The following IPO7 variants were observed in gnomAD, a reference collection of about 807,000 sequenced individuals.
IPO7 encodes importin-7.
In IPO7, 13 loss-of-function variants were observed where a neutral mutation model predicts 136.4. The ratio of observed to expected loss-of-function variants is 0.10; its 90% CI spans 0.06 to 0.15. IPO7 has a LOEUF of 0.15. Ranked by LOEUF, IPO7 falls within the 10% of genes least tolerant of loss-of-function variation. The pLI is 1.00. For missense variants in IPO7, 857 were observed against 1,240.6 expected (o/e 0.69, Z 4.65); for synonymous variants, 403 against 404.4 (o/e 1.00, Z 0.04).
chr11:9,446,984 A>T lies in IPO7; in HGVS notation c.*1790A>T, dbSNP rs2133772186. The T allele has an allele frequency of 6.6e-6, 1 of 152,276 alleles. No homozygotes were observed. Among genetic ancestry groups the T allele is most frequent in the South Asian group, 2.1e-4 (1 of 4,828 alleles). 9.4% of individuals were successfully genotyped at this position (152,276 alleles called of 1,614,324 possible). ...CCTGAAAGTTGGACACCAACTGTAT[A>T]CCCTAGGTTGCTTAAAGGGATTTCA... On this transcript the variant is annotated 3_prime_UTR_variant, in exon 25 of 25. Coordinates refer to ENST00000379719, the MANE Select transcript of IPO7 (RefSeq NM_006391.3).
In IPO7 at chr11:9,445,291, A is replaced by G; in HGVS notation, c.*97A>G. On this transcript the variant is annotated 3_prime_UTR_variant, in exon 25 of 25. Transcript: ENST00000379719. ...TGGTTCATGTTATCTATTCTAAACTAATAATCAATAGATGGACAAAAGAAA... is the reference window on the plus strand; with the variant it reads ...TGGTTCATGTTATCTATTCTAAACTGATAATCAATAGATGGACAAAAGAAA... The G allele has an allele frequency of 1.5e-6, 1 of 687,988 alleles. No individual in the cohort carries two copies. The highest frequency in any genetic ancestry group is 2.5e-6 in the Non-Finnish European group (1 of 394,838). 42.6% of individuals were successfully genotyped at this position (687,988 alleles called of 1,614,324 possible).
chr11:9,408,721 T>G, intron 3 of IPO7, 82 bp downstream of exon 3: 1 of 1,042,272 alleles, frequency 9.6e-7, no homozygotes, highest in Non-Finnish European at 1.3e-6. Context: ...TTTTTTTTTT[T>G]TTTTTTTTTG....
rs1855546325 is a variant in IPO7 at position 9,447,601 on chromosome 11, T to C, written c.*2407T>C. ...TTAGCTACATAGGGACTTGTCTTTT[T>C]TTCTTTTTACATACAGCTTTTCCTA... On this transcript the variant is annotated 3_prime_UTR_variant, in exon 25 of 25. Coordinates refer to ENST00000379719, the MANE Select transcript of IPO7 (RefSeq NM_006391.3). 1 of 152,206 alleles carries C rather than the reference T, an allele frequency of 6.6e-6. No homozygotes were observed. Among genetic ancestry groups the C allele is most frequent in the Non-Finnish European group, 1.5e-5 (1 of 68,032 alleles). 9.4% of individuals were successfully genotyped at this position (152,206 alleles called of 1,614,324 possible). A position where few individuals can be genotyped will look rare whatever the true frequency, so the allele number is the denominator to read the frequency against.
In IPO7 at chr11:9,420,622, G is replaced by A; in HGVS notation, c.830G>A (p.Ser277Asn). 1 of 1,611,234 alleles carries A rather than the reference G, an allele frequency of 6.2e-7. No homozygotes were observed. The highest frequency in any genetic ancestry group is 8.5e-7 in the Non-Finnish European group (1 of 1,177,578). The change falls in exon 8 of 25, where the codon AGC (serine) becomes AAC (asparagine). Residue 277 changes from serine to asparagine, a missense_variant. By Grantham distance (46) the Ser-to-Asn change is conservative. This residue lies in a region of IPO7 where 287 missense variants were observed against 307.5 expected (regional missense o/e 0.93). Coordinates refer to ENST00000379719, the MANE Select transcript of IPO7 (RefSeq NM_006391.3). ...ILARLFERYG[S>N]PGNVSKEYNE... The stretch of plus-strand genomic sequence containing the variant: ...TTTTGATGTTCTTTTAGATATGGAA[G>A]CCCTGGCAATGTTTCCAAGGAGTAT...
Position 9,420,509 on chromosome 11 carries a change from A to T in IPO7, c.821+4A>T. 1 of 1,598,374 alleles carries T rather than the reference A, an allele frequency of 6.3e-7. No homozygotes were observed. The highest frequency in any genetic ancestry group is 8.6e-7 in the Non-Finnish European group (1 of 1,165,790). On this transcript the variant is annotated splice_donor_region_variant and intron_variant, in intron 7 of 24. Coordinates refer to ENST00000379719, the MANE Select transcript of IPO7 (RefSeq NM_006391.3). ...TTTTAGCAAGACTTTTTGAAAGGTA[A>T]TCTCATCCATATATGGTGATTTAAA...
At chr11:9,417,316 CT>C (rs1855054900) in intron 6 of IPO7, among the ~76,000 whole-genome samples, 168 bp downstream of exon 6, 1 of 152,014 alleles carries the variant, frequency 6.6e-6, no homozygotes, top group African/African-American at 2.4e-5. Flanking sequence ...TGCATTACAT[CT>C]GTACATTTAC....
At position 9,438,236 on chromosome 11, in the gene IPO7, T is replaced by G. The variant is rs540515500; in HGVS notation, c.2646T>G (p.His882Gln). ...GAGCATATGCCTGCCATGCAGAACA[T>G]GAGAATGACAGTGATGATGATGATG... ...LKRAYACHAE[H>Q]ENDSDDDDEA... Residue 882 changes from histidine to glutamine, a missense_variant, in exon 22 of 25, where the codon CAT becomes CAG. Around this residue, in one of 11 missense-constraint regions of IPO7, gnomAD observed 119 missense variants for 155.5 expected, o/e 0.77. Transcript: ENST00000379719. 1.2e-6 allele frequency: 2 copies of G among 1,609,750 alleles called. No homozygotes were observed. Among genetic ancestry groups the G allele is most frequent in the South Asian group, 2.2e-5 (2 of 90,982 alleles).
Position 9,408,581 on chromosome 11 carries a change from C to A in IPO7, c.262C>A (p.Arg88Ser). The A allele has an allele frequency of 1.2e-6, 2 of 1,610,564 alleles. No homozygotes were observed. The highest frequency in any genetic ancestry group is 1.7e-6 in the Non-Finnish European group (2 of 1,177,960). The part of the protein sequence containing the change: ...ISPYTIPEED[R>S]HCIRENIVEA... ...CCCTTATACTATTCCAGAAGAAGAT[C>A]GCCATTGTATTCGAGAAAATATTGT... Residue 88 changes from arginine (R) to serine (S), a missense_variant, in exon 3 of 25, where the codon CGC (arginine) becomes AGC (serine). By Grantham distance (110) the Arg-to-Ser change is moderately radical (BLOSUM62 -1). Transcript: ENST00000379719.
At chr11:9,408,963 C>T (rs1854929020) in intron 3 of IPO7, among the ~76,000 whole-genome samples, 1 of 151,806 alleles carries the variant, frequency 6.6e-6, no homozygotes, top group Non-Finnish European at 1.5e-5. Flanking sequence ...CCAACTGCCT[C>T]GGCTTCCCAA....
At chr11:9,402,566 A>AC (rs1430510175) in intron 1 of IPO7, among the ~76,000 whole-genome samples, 43 of 151,814 alleles carry the variant, frequency 2.8e-4, no homozygotes, top group African/African-American at 1.0e-3. Context: ...TAGTAAAAAT[A>AC]TAAAAAATTA....
At chr11:9,407,950 G>A (rs569159514) in intron 2 of IPO7, among the ~76,000 whole-genome samples, 75 of 152,296 alleles carry the variant, frequency 4.9e-4, no homozygotes, top group African/African-American at 1.8e-3. Context: ...ATAGCAATCT[G>A]TAATTTCTGA....
intron 2 of IPO7, among the ~76,000 whole-genome samples, chr11:9,405,750 A>T (rs1380588539): frequency 6.6e-6 from 1 of 152,214 alleles, no homozygotes; most frequent in Non-Finnish European, 1.5e-5. Context: ...AAACAATTTT[A>T]TGTAAATGAC....
chr11:9,431,692 G>C (rs546281120), intron 16 of IPO7, among the ~76,000 whole-genome samples: 4 of 152,046 alleles, frequency 2.6e-5, no homozygotes, highest in African/African-American at 9.6e-5. Flanking sequence ...ATTATTGGGC[G>C]GCCAGGCATA....
intron 1 of IPO7, among the ~76,000 whole-genome samples, chr11:9,397,341 A>AATATATATATAT (rs1398990687): frequency 2.8e-4 from 3 of 10,760 alleles, no homozygotes; most frequent in African/African-American, 2.5e-4. Context: ...TTTAAAAAAA[A>AATATATATATAT]ATATATATAT....
intron 1 of IPO7, among the ~76,000 whole-genome samples, chr11:9,389,040 T>A (rs1854591403): frequency 6.6e-6 from 1 of 151,840 alleles, no homozygotes; most frequent in South Asian, 2.1e-4. Flanking sequence ...ATTTATTTTT[T>A]AAAATTTATT....
At chr11:9,396,002 C>T (rs556768273) in intron 1 of IPO7, among the ~76,000 whole-genome samples, 2 of 151,760 alleles carry the variant, frequency 1.3e-5, no homozygotes, top group East Asian at 2.0e-4. Context: ...GGATTACAGG[C>T]GTGAGCCACC....
intron 14 of IPO7, among the ~76,000 whole-genome samples, chr11:9,429,439 G>A (rs989941449): frequency 3.9e-5 from 6 of 151,990 alleles, no homozygotes; most frequent in East Asian, 1.9e-4. Context: ...CCGACGGTTC[G>A]AGGCTGCAGT....
chr11:9,421,259 C>T (rs1464739060), intron 8 of IPO7, among the ~76,000 whole-genome samples: 1 of 148,706 alleles, frequency 6.7e-6, no homozygotes, highest in African/African-American at 2.5e-5. Context: ...CCACCCCCGG[C>T]CCAGAATTCT....
chr11:9,410,468 A>AT (rs1854952547), intron 4 of IPO7, among the ~76,000 whole-genome samples: 1 of 152,084 alleles, frequency 6.6e-6, no homozygotes, highest in African/African-American at 2.4e-5. Context: ...TTTTCTGTGA[A>AT]TTTTTATCTT....
Sources: gnomAD v4.1 joint callset for allele counts (sites outside exome capture counted in the v4.1 genomes callset) on GRCh38, gnomAD v4.1.1 for gene constraint, gnomAD v4.1.1 regional missense constraint, MANE v1.5 for transcripts, NCBI Gene and HGNC (gene_info 2026-07-23, HGNC 2026-07-21) for gene names.